CFAP299: variants seen among roughly 807,000 people sequenced by gnomAD.
CFAP299 encodes cilia and flagella associated protein 299, also known as cilia- and flagella-associated protein 299.
In CFAP299, 21 loss-of-function variants were observed where a neutral mutation model predicts 27.0. The ratio of observed to expected loss-of-function variants is 0.78; its 90% CI spans 0.55 to 1.12. CFAP299 has a LOEUF of 1.12. Ranked by LOEUF, CFAP299 falls within the 50% of genes most tolerant of loss-of-function variation. CFAP299 has a pLI of 0.00. For missense variants in CFAP299, 310 were observed against 276.6 expected, an observed-to-expected ratio of 1.12 and a Z score of -0.86; for synonymous variants, 104 against 98.1, an observed-to-expected ratio of 1.06 and a Z score of -0.36.
intron 3 of CFAP299, among the ~76,000 whole-genome samples, chr4:80,669,016 T>C (rs1226136814): frequency 6.6e-6 from 1 of 151,990 alleles, no homozygotes; most frequent in Non-Finnish European, 1.5e-5. Context: ...TAGTTCTTCT[T>C]GTATGGCTCT....
rs192965388 is a variant in CFAP299, at chr4:80,470,857, T to C, written c.242+107973T>C. On this transcript the variant is annotated intron_variant, in intron 2 of 5. Coordinates refer to ENST00000358105, the MANE Select transcript of CFAP299 (RefSeq NM_152770.3). ...TCAGCAGAAAAATTAATTACAAATATGTTTATTTTTGCATTTTATTGTCAA... is the reference window on the plus strand; with the variant it reads ...TCAGCAGAAAAATTAATTACAAATACGTTTATTTTTGCATTTTATTGTCAA... Among the ~76,000 whole-genome samples, 296 of 152,296 alleles carry C rather than the reference T, an allele frequency of 1.9e-3. 2 individuals carry two copies. The South Asian group carries it at 0.028, about 14-fold the overall frequency.
intron 2 of CFAP299, among the ~76,000 whole-genome samples, chr4:80,477,166 G>T (rs1366506885): frequency 1.3e-5 from 2 of 151,908 alleles, no homozygotes; most frequent in East Asian, 3.9e-4. Context: ...AAGCTCAAGC[G>T]ATTCTCCCAC....
At chr4:80,782,093 G>A (rs1438768776) in intron 3 of CFAP299, among the ~76,000 whole-genome samples, 1 of 152,094 alleles carries the variant, frequency 6.6e-6, no homozygotes, top group Non-Finnish European at 1.5e-5. Flanking sequence ...GTGTTCAGAA[G>A]AAGTATGTGA....
chr4:80,626,431 T>G (rs1379299850), intron 3 of CFAP299, among the ~76,000 whole-genome samples: 1 of 151,384 alleles, frequency 6.6e-6, no homozygotes, highest in East Asian at 1.9e-4. Flanking sequence ...TTACAAAAGG[T>G]AAAAGATCTC....
At position 80,800,557 on chromosome 4, in the gene CFAP299, T is replaced by A. The variant is rs371380396; in HGVS notation, c.334-69436T>A. ...ATATAATATATAATATATCAATATA[T>A]TATATAATATATTAATATAAATATA... is the stretch of plus-strand genomic sequence containing the variant. On this transcript the variant is annotated intron_variant, in intron 3 of 5. Coordinates refer to ENST00000358105, the MANE Select transcript of CFAP299 (RefSeq NM_152770.3). Among the ~76,000 whole-genome samples the A allele has an allele frequency of 1.4e-3, 54 of 37,794 alleles. No individual in the cohort carries two copies. In the East Asian group the frequency reaches 0.016, roughly 11 times the overall value. 24.8% of individuals were successfully genotyped at this position (37,794 alleles called of 152,430 possible).
intron 3 of CFAP299, among the ~76,000 whole-genome samples, chr4:80,828,194 C>T (rs559112065): frequency 1.3e-5 from 2 of 151,910 alleles, no homozygotes; most frequent in Non-Finnish European, 2.9e-5. Flanking sequence ...TAGAAAAGTC[C>T]TTTCTGAAAT....
intron 3 of CFAP299, among the ~76,000 whole-genome samples, chr4:80,799,479 T>G (rs1229705711): frequency 1.6e-4 from 13 of 82,830 alleles, no homozygotes; most frequent in Admixed American, 6.9e-4. Flanking sequence ...AAATATATAT[T>G]TATTAAATAT....
intron 3 of CFAP299, among the ~76,000 whole-genome samples, chr4:80,626,114 A>T (rs1014720423): frequency 6.6e-6 from 1 of 151,984 alleles, no homozygotes; most frequent in Non-Finnish European, 1.5e-5. Context: ...CACATGGAAC[A>T]TTCTCTAGGA....
intron 2 of CFAP299, chr4:80,387,000 T>C: frequency 8.7e-7 from 1 of 1,144,078 alleles, no homozygotes; most frequent in Non-Finnish European, 1.3e-6. Context: ...CCCACTGCGG[T>C]GGGTTGGCAG....
intron 3 of CFAP299, among the ~76,000 whole-genome samples, chr4:80,704,850 T>C (rs1225936705): frequency 1.3e-5 from 2 of 151,848 alleles, no homozygotes; most frequent in African/African-American, 4.8e-5. Flanking sequence ...ATATGATTTT[T>C]GTATTATGTA....
In CFAP299 at chr4:80,645,501, G is replaced by A. The variant is rs992069724; in HGVS notation, c.333+62318G>A. 5.3e-5 allele frequency among the ~76,000 whole-genome samples: 8 copies of A among 152,164 alleles called. No individual in the cohort carries two copies. The East Asian group carries it at 1.5e-3, about 29-fold the overall frequency. On this transcript the variant is annotated intron_variant, in intron 3 of 5. Coordinates refer to ENST00000358105, the MANE Select transcript of CFAP299 (RefSeq NM_152770.3). ...TACATAAATACACACATATGTAGGT[G>A]TATCTGTTTGTATCTATGTCAAGTT... is the stretch of plus-strand genomic sequence containing the variant.
chr4:80,836,560 A>G (rs1413060467), intron 3 of CFAP299, among the ~76,000 whole-genome samples: 2 of 152,172 alleles, frequency 1.3e-5, no homozygotes, highest in Admixed American at 6.6e-5. Context: ...TGCCCTCTCT[A>G]ATCACAACTG....
At chr4:80,693,662 G>A (rs1031881441) in intron 3 of CFAP299, among the ~76,000 whole-genome samples, 12 of 151,330 alleles carry the variant, frequency 7.9e-5, no homozygotes, top group African/African-American at 2.7e-4. Context: ...TGCACATTGT[G>A]CACATGTACC....
intron 3 of CFAP299, among the ~76,000 whole-genome samples, chr4:80,602,728 A>T (rs1037115957): frequency 6.6e-6 from 1 of 152,058 alleles, no homozygotes; most frequent in African/African-American, 2.4e-5. Context: ...TCTGGGGCCC[A>T]GAGGCTTCCA....
chr4:80,589,391 A>G (rs932714772), intron 3 of CFAP299, among the ~76,000 whole-genome samples: 6 of 152,190 alleles, frequency 3.9e-5, no homozygotes, highest in Non-Finnish European at 8.8e-5. Context: ...ATATGAAAAT[A>G]TGGGAAAATA....
At chr4:80,599,853 T>C (rs1578654812) in intron 3 of CFAP299, among the ~76,000 whole-genome samples, 5 of 152,214 alleles carry the variant, frequency 3.3e-5, no homozygotes, top group Middle Eastern at 6.8e-3. Flanking sequence ...GACCAAATCA[T>C]AATATGGGCC....
intron 3 of CFAP299, among the ~76,000 whole-genome samples, chr4:80,786,571 A>G (rs1234826266): frequency 6.6e-6 from 1 of 152,126 alleles, no homozygotes; most frequent in East Asian, 1.9e-4. Context: ...GCTTTCCATA[A>G]CCTTTTTAAA....
Position 80,805,315 on chromosome 4 carries a change from G to A in CFAP299, c.334-64678G>A, listed in dbSNP as rs184040238. On this transcript the variant is annotated intron_variant, in intron 3 of 5. Coordinates refer to ENST00000358105, the MANE Select transcript of CFAP299 (RefSeq NM_152770.3). Reference sequence around the variant, plus strand: ...ACTCTCTTATCAGAGTAAAATTTTTGTCATCACACATAATTTAAAAGAAAG... The same window carrying A: ...ACTCTCTTATCAGAGTAAAATTTTTATCATCACACATAATTTAAAAGAAAG... Among the ~76,000 whole-genome samples, 193 of 152,036 alleles carry A rather than the reference G, an allele frequency of 1.3e-3. 2 individuals are homozygous for A. Among genetic ancestry groups the A allele is most frequent in the African/African-American group, 4.5e-3 (187 of 41,482 alleles).
intron 2 of CFAP299, among the ~76,000 whole-genome samples, chr4:80,555,675 G>A (rs370670863): frequency 2.6e-5 from 4 of 152,102 alleles, no homozygotes; most frequent in Admixed American, 1.3e-4. Context: ...CAATGTCAGA[G>A]TTTATTACTG....
Sources: gnomAD v4.1 joint callset for allele counts (sites outside exome capture counted in the v4.1 genomes callset) on GRCh38, gnomAD v4.1.1 for gene constraint, MANE v1.5 for transcripts, NCBI Gene and HGNC (gene_info 2026-07-23, HGNC 2026-07-21) for gene names.